Variants in ERBB4 observed in about 807,000 individuals in gnomAD.
ERBB4 encodes the protein erb-b2 receptor tyrosine kinase 4, also known as receptor tyrosine-protein kinase erbB-4.
ERBB4 carries 42 observed loss-of-function variants against 158.0 expected under a neutral mutation model. The observed-to-expected ratio is 0.27, with a 90% CI of 0.21 to 0.34. The LOEUF (loss-of-function observed/expected upper bound fraction) is 0.34, where lower values mean the gene tolerates loss of function less well. Among genes scored for constraint, ERBB4 ranks in the 10% least tolerant of loss-of-function variants. The probability of loss-of-function intolerance (pLI) is 1.00; values close to 1 mark genes in which losing one functional copy is unlikely to be tolerated. For missense variants in ERBB4, 1,333 were observed against 1,624.1 expected, an observed-to-expected ratio of 0.82 and a Z score of 3.08; for synonymous variants, 583 against 558.7, an observed-to-expected ratio of 1.04 and a Z score of -0.61.
At chr2:212,514,181 T>TAAA (rs535684834) in intron 1 of ERBB4, among the ~76,000 whole-genome samples, 1 of 138,382 alleles carries the variant, frequency 7.2e-6, no homozygotes, top group African/African-American at 2.6e-5. Context: ...TGAAATTGTG[T>TAAA]AAAAAAAAAA....
chr2:211,810,401 T>C (rs563347955), intron 3 of ERBB4, among the ~76,000 whole-genome samples: 2 of 152,338 alleles, frequency 1.3e-5, no homozygotes, highest in Non-Finnish European at 2.9e-5. Flanking sequence ...ATATTTAGGA[T>C]AGTTAGCTCT....
At chr2:212,532,122 T>C (rs1056497555) in intron 1 of ERBB4, among the ~76,000 whole-genome samples, 3 of 152,236 alleles carry the variant, frequency 2.0e-5, no homozygotes, top group Admixed American at 1.3e-4. Flanking sequence ...TCAGTGGTTT[T>C]TCAAATACTT....
At chr2:211,878,843 T>A (rs1575302815) in intron 3 of ERBB4, among the ~76,000 whole-genome samples, 1 of 152,052 alleles carries the variant, frequency 6.6e-6, no homozygotes, top group Non-Finnish European at 1.5e-5. Flanking sequence ...AAACAAAAAT[T>A]GCATTAGAGA....
chr2:212,096,426 A>T (rs762711408), intron 2 of ERBB4, among the ~76,000 whole-genome samples: 34 of 152,166 alleles, frequency 2.2e-4, no homozygotes, highest in Non-Finnish European at 4.6e-4. Flanking sequence ...AACATATCTC[A>T]TATGTTATAT....
intron 1 of ERBB4, among the ~76,000 whole-genome samples, chr2:212,384,411 G>A (rs1380253669): frequency 2.6e-5 from 4 of 151,514 alleles, no homozygotes; most frequent in Non-Finnish European, 5.9e-5. Flanking sequence ...TTCTTGTGAC[G>A]GAGAGAGTAT....
intron 1 of ERBB4, among the ~76,000 whole-genome samples, chr2:212,399,557 T>C (rs1485011842): frequency 1.3e-4 from 3 of 23,034 alleles, no homozygotes; most frequent in Non-Finnish European, 2.5e-4. Context: ...TATATATATA[T>C]ATATATATAT....
intron 19 of ERBB4, among the ~76,000 whole-genome samples, chr2:211,599,134 G>C (rs1018742866): frequency 6.6e-6 from 1 of 152,136 alleles, no homozygotes; most frequent in African/African-American, 2.4e-5. Flanking sequence ...GGCACATATT[G>C]ACCTCTTAAG....
At chr2:211,918,556 G>C (rs891578347) in intron 3 of ERBB4, among the ~76,000 whole-genome samples, 1 of 152,040 alleles carries the variant, frequency 6.6e-6, no homozygotes, top group African/African-American at 2.4e-5. Context: ...TTTAATATCA[G>C]TTGGTAGGAT....
intron 1 of ERBB4, among the ~76,000 whole-genome samples, chr2:212,264,349 G>T (rs979628146): frequency 6.6e-6 from 1 of 152,048 alleles, no homozygotes; most frequent in Non-Finnish European, 1.5e-5. Flanking sequence ...CATATACTCA[G>T]TAATTACCAA....
intron 3 of ERBB4, among the ~76,000 whole-genome samples, chr2:211,919,122 T>C (rs1217949236): frequency 6.6e-6 from 1 of 152,058 alleles, no homozygotes; most frequent in African/African-American, 2.4e-5. Flanking sequence ...CAAGTAAAAA[T>C]AGCTTTAACT....
intron 3 of ERBB4, among the ~76,000 whole-genome samples, chr2:211,908,958 T>C (rs1309644839): frequency 6.6e-6 from 1 of 151,640 alleles, no homozygotes; most frequent in African/African-American, 2.4e-5. Flanking sequence ...TTAAAAATTA[T>C]ATATGTTATA....
rs527724454 is a variant in ERBB4 at position 212,326,652 on chromosome 2, T to C, written c.83-201749A>G. Among the ~76,000 whole-genome samples, 28 of 150,846 alleles carry C rather than the reference T, an allele frequency of 1.9e-4. 1 individual carries two copies. The South Asian group carries it at 5.7e-3, about 31-fold the overall frequency. The stretch of plus-strand genomic sequence containing the variant: ...AAACATAGACGCCCTCAGTCCCTAA[T>C]GCATAACCCTTTTTACCAACCAGGG... On this transcript the variant is annotated intron_variant, in intron 1 of 27. Coordinates refer to ENST00000342788, the MANE Select transcript of ERBB4 (RefSeq NM_005235.3).
chr2:212,448,853 T>C (rs937981016), intron 1 of ERBB4, among the ~76,000 whole-genome samples: 1 of 152,196 alleles, frequency 6.6e-6, no homozygotes, highest in Non-Finnish European at 1.5e-5. Context: ...AGCTCTTTGC[T>C]GGAGGTTTTA....
At position 212,099,158 on chromosome 2, in the gene ERBB4, A is replaced by AATAG. The variant is rs1303531543; in HGVS notation, c.234+25593_234+25594insCTAT. Among the ~76,000 whole-genome samples, 213 of 79,390 alleles carry AATAG rather than the reference A, an allele frequency of 2.7e-3. 1 individual carries two copies. The highest frequency in any genetic ancestry group is 2.6e-3 in the Non-Finnish European group (114 of 43,532). 52.1% of individuals were successfully genotyped at this position (79,390 alleles called of 152,430 possible). Reference sequence around the variant, plus strand: ...AGCCCCTCTCTAAAATAAATAAATAAATAAATAAATAAATAAATAAATAAA... The same window carrying AATAG: ...AGCCCCTCTCTAAAATAAATAAATAAATAGATAAATAAATAAATAAATAAATAAA... On this transcript the variant is annotated intron_variant, in intron 2 of 27. Coordinates refer to ENST00000342788, the MANE Select transcript of ERBB4 (RefSeq NM_005235.3).
chr2:212,247,675 T>C (rs949408486), intron 1 of ERBB4, among the ~76,000 whole-genome samples: 2 of 152,258 alleles, frequency 1.3e-5, no homozygotes, highest in Admixed American at 1.3e-4. Flanking sequence ...GAAATAATGG[T>C]GTATTAGGCC....
chr2:211,452,698 A>G (rs1360361010), intron 20 of ERBB4, among the ~76,000 whole-genome samples: 3 of 152,140 alleles, frequency 2.0e-5, no homozygotes, highest in African/African-American at 7.2e-5. Flanking sequence ...TTACCAGATA[A>G]TTTCTTTGAA....
intron 2 of ERBB4, among the ~76,000 whole-genome samples, chr2:212,003,181 GAA>G (rs775317883): frequency 1.8e-5 from 1 of 55,100 alleles, no homozygotes; most frequent in African/African-American, 4.9e-5. Flanking sequence ...AAGAAAGAAA[GAA>G]AGAAAGAAAG....
At chr2:212,380,828 A>T (rs1429264914) in intron 1 of ERBB4, among the ~76,000 whole-genome samples, 1 of 151,220 alleles carries the variant, frequency 6.6e-6, no homozygotes, top group Non-Finnish European at 1.5e-5. Context: ...TTAGAGATTA[A>T]ATCAAGTATA....
At chr2:211,819,781 A>G (rs911571171) in intron 3 of ERBB4, among the ~76,000 whole-genome samples, 21 of 151,930 alleles carry the variant, frequency 1.4e-4, no homozygotes, top group Non-Finnish European at 2.5e-4. Context: ...GGTGAAAAAA[A>G]CAGTAAGGAG....
Sources: allele counts gnomAD v4.1 joint callset (sites outside exome capture counted in the v4.1 genomes callset), GRCh38; gene constraint gnomAD v4.1.1; transcripts MANE v1.5; gene names NCBI Gene and HGNC (gene_info 2026-07-23, HGNC 2026-07-21).